The following SMOC1 variants were observed in gnomAD, a reference collection of about 807,000 sequenced individuals.
SMOC1 encodes SPARC related modular calcium binding 1, also known as SPARC-related modular calcium-binding protein 1.
SMOC1 carries 22 observed loss-of-function variants against 56.3 expected under a neutral mutation model. The observed-to-expected ratio is 0.39, with a 90% CI of 0.28 to 0.56. The LOEUF is 0.56. Among genes scored for constraint, SMOC1 ranks in the 20% least tolerant of loss-of-function variants. The probability of loss-of-function intolerance (pLI) is 0.61; values close to 1 mark genes in which losing one functional copy is unlikely to be tolerated. For missense variants in SMOC1, 509 were observed against 565.4 expected (o/e 0.90, Z 1.01); for synonymous variants, 193 against 215.0 (o/e 0.90, Z 0.89).
chr14:69,925,136 A>T (rs1334444802), intron 1 of SMOC1, among the ~76,000 whole-genome samples: 1 of 18,406 alleles, frequency 5.4e-5, no homozygotes. Context: ...GAAGGAGGGG[A>T]GGTAGGGGAG....
intron 4 of SMOC1, 94 bp downstream of exon 4, chr14:69,975,908 A>T: frequency 1.2e-6 from 1 of 847,434 alleles, no homozygotes. Context: ...TAGAAGGTTG[A>T]TGGTGGTGAT....
chr14:69,920,292 T>C (rs777091073), intron 1 of SMOC1, among the ~76,000 whole-genome samples: 1 of 152,218 alleles, frequency 6.6e-6, no homozygotes, highest in African/African-American at 2.4e-5. Context: ...TGATCCTAGA[T>C]ATGATTAGAG....
At chr14:69,903,454 G>A (rs201147183) in intron 1 of SMOC1, among the ~76,000 whole-genome samples, 1,634 of 152,098 alleles carry the variant, frequency 0.011, 38 homozygotes, top group South Asian at 0.099. Context: ...CGGTTTTGTC[G>A]AATAGAAAAG....
chr14:69,995,499 C>A (rs114838542), intron 7 of SMOC1, among the ~76,000 whole-genome samples: 10,700 of 152,236 alleles, frequency 0.07, 463 homozygotes, highest in Non-Finnish European at 0.091. Flanking sequence ...AGACTGTGAA[C>A]CCCCTTGGGT....
intron 7 of SMOC1, among the ~76,000 whole-genome samples, chr14:70,001,725 C>G (rs1002941072): frequency 1.3e-5 from 2 of 152,202 alleles, no homozygotes; most frequent in Non-Finnish European, 2.9e-5. Flanking sequence ...TAGCAACTTA[C>G]TGTGCCACCA....
intron 1 of SMOC1, among the ~76,000 whole-genome samples, chr14:69,930,529 A>C (rs1885139996): frequency 6.6e-6 from 1 of 152,144 alleles, no homozygotes; most frequent in Non-Finnish European, 1.5e-5. Flanking sequence ...AACAACACCG[A>C]GTCAGTTCCA....
At chr14:69,996,542 T>C (rs374270537) in intron 7 of SMOC1, among the ~76,000 whole-genome samples, 1 of 152,406 alleles carries the variant, frequency 6.6e-6, no homozygotes, top group East Asian at 1.9e-4. Context: ...GAAGTTCTTC[T>C]GCTTTCATTC....
Position 70,011,529 on chromosome 14 carries a change from C to G in SMOC1, c.902C>G (p.Thr301Arg). ...GAGAGCGACGCCAGGGCCAAGACTA[C>G]AGAGGCGGATGACCCCTTCAAGGAC... ...SCESDARAKT[T>R]EADDPFKDRE... is the part of the protein sequence containing the mutation. The change falls in exon 9 of 12, where the codon ACA becomes AGA. Residue 301 changes from threonine (T) to arginine (R), a missense_variant. Transcript: ENST00000361956. The G allele has an allele frequency of 6.3e-7, 1 of 1,580,460 alleles. No homozygotes were observed. The highest frequency in any genetic ancestry group is 8.6e-7 in the Non-Finnish European group (1 of 1,158,548).
intron 1 of SMOC1, among the ~76,000 whole-genome samples, chr14:69,947,401 C>T (rs550335575): frequency 6.6e-6 from 1 of 152,218 alleles, no homozygotes; most frequent in African/African-American, 2.4e-5. Context: ...AACTCCTGGG[C>T]TCAAGCAATC....
chr14:70,016,880 GCCTGTTCAC>G (rs1353318710), intron 10 of SMOC1, among the ~76,000 whole-genome samples: 1 of 152,184 alleles, frequency 6.6e-6, no homozygotes, highest in African/African-American at 2.4e-5. Context: ...TGTAGGAGCT[GCCTGTTCAC>G]CCTGTACCTC....
intron 1 of SMOC1, among the ~76,000 whole-genome samples, chr14:69,913,461 T>C (rs1884607573): frequency 6.6e-6 from 1 of 151,704 alleles, no homozygotes; most frequent in South Asian, 2.1e-4. Flanking sequence ...TTGGCGTGTG[T>C]GTGTGTGTGT....
intron 1 of SMOC1, among the ~76,000 whole-genome samples, chr14:69,921,027 G>T (rs1301947673): frequency 1.3e-5 from 2 of 152,216 alleles, no homozygotes; most frequent in Non-Finnish European, 2.9e-5. Context: ...TTGTGGGTGA[G>T]GACCCATAGT....
chr14:69,935,924 G>T (rs1360079735), intron 1 of SMOC1, among the ~76,000 whole-genome samples: 2 of 152,230 alleles, frequency 1.3e-5, no homozygotes, highest in Non-Finnish European at 1.5e-5. Flanking sequence ...GTGGCAAGTT[G>T]TGGAGCTAGT....
chr14:69,944,212 A>G (rs1882692535), intron 1 of SMOC1, among the ~76,000 whole-genome samples: 1 of 152,164 alleles, frequency 6.6e-6, no homozygotes, highest in African/African-American at 2.4e-5. Flanking sequence ...TTTTAATCAC[A>G]ATTATGGCAC....
chr14:69,915,445 C>A (rs1884662355), intron 1 of SMOC1, among the ~76,000 whole-genome samples: 1 of 152,220 alleles, frequency 6.6e-6, no homozygotes, highest in African/African-American at 2.4e-5. Context: ...CTCCTGTCTT[C>A]TGTGTTACTA....
intron 11 of SMOC1, among the ~76,000 whole-genome samples, chr14:70,028,636 G>A (rs752136300): frequency 3.3e-5 from 5 of 152,220 alleles, no homozygotes; most frequent in Non-Finnish European, 7.3e-5. Context: ...GGGCAGGACT[G>A]CTGTGCACCT....
intron 10 of SMOC1, among the ~76,000 whole-genome samples, chr14:70,021,060 T>G (rs1447612085): frequency 1.3e-5 from 2 of 152,176 alleles, no homozygotes; most frequent in Non-Finnish European, 2.9e-5. Context: ...AGGTAGACAT[T>G]ACGCTATACT....
chr14:70,011,355 A>C, intron 8 of SMOC1, 130 bp from the exon 9 acceptor site: 5 of 852,792 alleles, frequency 5.9e-6, no homozygotes, highest in Non-Finnish European at 9.9e-6. Context: ...GGGCAGCGCA[A>C]GAGATATCGT....
intron 5 of SMOC1, among the ~76,000 whole-genome samples, chr14:69,979,538 T>C (rs1337244117): frequency 2.0e-5 from 3 of 152,092 alleles, no homozygotes; most frequent in Admixed American, 6.5e-5. Context: ...ATGCTGTGAG[T>C]AGTGTGTGTT....
Sources: gnomAD v4.1 joint callset for allele counts (sites outside exome capture counted in the v4.1 genomes callset) on GRCh38, gnomAD v4.1.1 for gene constraint, MANE v1.5 for transcripts, NCBI Gene and HGNC (gene_info 2026-07-23, HGNC 2026-07-21) for gene names.